Variants in LCLAT1 observed in about 807,000 individuals in gnomAD.
The protein encoded by LCLAT1 is lysocardiolipin acyltransferase 1, also known as 1-AGP acyltransferase 8.
A neutral mutation model predicts 30.7 loss-of-function variants in LCLAT1; 11 were observed. The ratio of observed to expected loss-of-function variants is 0.36; its 90% CI spans 0.23 to 0.59. The LOEUF is 0.59. LCLAT1 is among the 20% of genes least tolerant of loss of function. The probability of loss-of-function intolerance (pLI) is 0.77; values close to 1 mark genes in which losing one functional copy is unlikely to be tolerated. For missense variants in LCLAT1, 402 were observed against 458.6 expected, an observed-to-expected ratio of 0.88 and a Z score of 1.13; for synonymous variants, 155 against 151.3, an observed-to-expected ratio of 1.02 and a Z score of -0.18.
intron 3 of LCLAT1, among the ~76,000 whole-genome samples, chr2:30,545,430 A>G (rs1664355541): frequency 6.6e-6 from 1 of 152,126 alleles, no homozygotes; most frequent in Non-Finnish European, 1.5e-5. Flanking sequence ...GCAACTGACT[A>G]AAGGAAAACA....
At chr2:30,585,960 C>G (rs1391351477) in intron 5 of LCLAT1, among the ~76,000 whole-genome samples, 2 of 152,086 alleles carry the variant, frequency 1.3e-5, no homozygotes, top group East Asian at 3.9e-4. Flanking sequence ...TTGCTTAAAA[C>G]AGTAGGAATG....
chr2:30,601,701 G>T (rs1213915321), intron 5 of LCLAT1, among the ~76,000 whole-genome samples: 1 of 151,914 alleles, frequency 6.6e-6, no homozygotes, highest in Non-Finnish European at 1.5e-5. Context: ...TTTAATGAAA[G>T]CACTTTTTTG....
At chr2:30,592,944 C>A (rs1666762578) in intron 5 of LCLAT1, among the ~76,000 whole-genome samples, 1 of 152,130 alleles carries the variant, frequency 6.6e-6, no homozygotes, top group Non-Finnish European at 1.5e-5. Context: ...ATAATTCTTG[C>A]CTTCTAGCTA....
chr2:30,613,232 G>C (rs1440606416), intron 5 of LCLAT1, among the ~76,000 whole-genome samples: 1 of 152,126 alleles, frequency 6.6e-6, no homozygotes, highest in East Asian at 1.9e-4. Context: ...TTCTCTCTGA[G>C]ATGGGCAGCC....
intron 2 of LCLAT1, among the ~76,000 whole-genome samples, chr2:30,532,312 T>C (rs2148395308): frequency 6.6e-6 from 1 of 152,280 alleles, no homozygotes; most frequent in East Asian, 1.9e-4. Context: ...GAACTTTTGA[T>C]TCTGTATCGT....
Position 30,556,838 on chromosome 2 carries a change from C to T in LCLAT1, c.365-5308C>T, listed in dbSNP as rs773941594. On this transcript the variant is annotated intron_variant, in intron 3 of 5. Transcript: ENST00000379509. The stretch of plus-strand genomic sequence containing the variant: ...TCGGCGCACTGCAACCTCCGCCTCC[C>T]GGGTTCAAGCGATCTCCTGCCTCAG... 1.5e-4 allele frequency among the ~76,000 whole-genome samples: 22 copies of T among 150,626 alleles called. 1 individual carries two copies. The South Asian group carries it at 1.9e-3, about 13-fold the overall frequency.
rs556491404 is a variant in LCLAT1, at chr2:30,579,980, A to G, written c.628+11804A>G. ...TAGTATCTTATTTTGAGACTTCTGC[A>G]TGAATTATGTTCAGTTAAAAGAGAC... On this transcript the variant is annotated intron_variant, in intron 5 of 5. Coordinates refer to ENST00000379509, the MANE Select transcript of LCLAT1 (RefSeq NM_001002257.3). Among the ~76,000 whole-genome samples, 7 of 152,292 alleles carry G rather than the reference A, an allele frequency of 4.6e-5. No individual in the cohort carries two copies. In the South Asian group the frequency reaches 1.5e-3, roughly 32 times the overall value.
At chr2:30,503,214 T>A (rs1684483739) in intron 1 of LCLAT1, among the ~76,000 whole-genome samples, 1 of 152,192 alleles carries the variant, frequency 6.6e-6, no homozygotes, top group Admixed American at 6.6e-5. Context: ...AGCTAGGGAT[T>A]GCTTTCCTTG....
At chr2:30,605,986 A>G (rs1387448627) in intron 5 of LCLAT1, 1 of 1,280,668 alleles carries the variant, frequency 7.8e-7, no homozygotes, top group African/African-American at 1.6e-5. Context: ...TGAGAATCTA[A>G]TGCTCCCCAC....
At chr2:30,484,394 G>C (rs1683466657) in intron 1 of LCLAT1, among the ~76,000 whole-genome samples, 1 of 152,182 alleles carries the variant, frequency 6.6e-6, no homozygotes, top group African/African-American at 2.4e-5. Context: ...GGCTCTTTTG[G>C]AAATAATTCT....
intron 1 of LCLAT1, among the ~76,000 whole-genome samples, chr2:30,448,887 A>G (rs978582162): frequency 6.6e-5 from 10 of 152,202 alleles, no homozygotes; most frequent in African/African-American, 2.4e-4. Flanking sequence ...AAACAATCTC[A>G]TTGCACTGTT....
At chr2:30,493,124 A>C (rs1470067470) in intron 1 of LCLAT1, among the ~76,000 whole-genome samples, 1 of 152,186 alleles carries the variant, frequency 6.6e-6, no homozygotes, top group African/African-American at 2.4e-5. Context: ...AATGTCAGGC[A>C]CACATGTGGA....
At chr2:30,614,557 T>C (rs1456862683) in intron 5 of LCLAT1, among the ~76,000 whole-genome samples, 1 of 152,116 alleles carries the variant, frequency 6.6e-6, no homozygotes, top group African/African-American at 2.4e-5. Flanking sequence ...GCCTTTTAAC[T>C]GCAACAAAGA....
At chr2:30,626,823 C>T (rs1390713639) in intron 5 of LCLAT1, among the ~76,000 whole-genome samples, 1 of 151,690 alleles carries the variant, frequency 6.6e-6, no homozygotes, top group Non-Finnish European at 1.5e-5. Flanking sequence ...TTCTCTTTTT[C>T]ATTGCTTTTT....
chr2:30,516,798 G>A (rs1465310454), intron 1 of LCLAT1, among the ~76,000 whole-genome samples: 1 of 152,160 alleles, frequency 6.6e-6, no homozygotes, highest in African/African-American at 2.4e-5. Flanking sequence ...CTTAGAATCA[G>A]AGGAAAATAC....
chr2:30,616,517 TAATA>T (rs1003407248), intron 5 of LCLAT1, among the ~76,000 whole-genome samples: 1 of 152,186 alleles, frequency 6.6e-6, no homozygotes, highest in African/African-American at 2.4e-5. Flanking sequence ...ACTTTTCTTC[TAATA>T]TTTTTATTGT....
intron 1 of LCLAT1, among the ~76,000 whole-genome samples, chr2:30,456,573 C>T (rs1038582034): frequency 6.6e-6 from 1 of 151,882 alleles, no homozygotes; most frequent in East Asian, 1.9e-4. Context: ...GGGTGGGCCA[C>T]GGTTTTTTTC....
chr2:30,582,448 T>C (rs1212096041), intron 5 of LCLAT1, among the ~76,000 whole-genome samples: 1 of 152,218 alleles, frequency 6.6e-6, no homozygotes, highest in Non-Finnish European at 1.5e-5. Flanking sequence ...TGTAGGTGAT[T>C]ATCCTAACTT....
At chr2:30,585,549 A>G (rs1049502472) in intron 5 of LCLAT1, among the ~76,000 whole-genome samples, 2 of 152,106 alleles carry the variant, frequency 1.3e-5, no homozygotes, top group Non-Finnish European at 2.9e-5. Flanking sequence ...GTCTTCAGGA[A>G]TTGCTCCACC....
Sources: allele counts gnomAD v4.1 joint callset (sites outside exome capture counted in the v4.1 genomes callset), GRCh38; gene constraint gnomAD v4.1.1; transcripts MANE v1.5; gene names NCBI Gene and HGNC (gene_info 2026-07-23, HGNC 2026-07-21).